TRIM64B: variants seen among roughly 807,000 people sequenced by gnomAD.
The protein encoded by TRIM64B is tripartite motif containing 64B.
For synonymous variants in TRIM64B, 17 were observed against 190.3 expected (o/e 0.09, Z 7.50); for missense variants, 57 against 536.4 (o/e 0.11, Z 8.83).
intron 4 of TRIM64B, among the ~76,000 whole-genome samples, 196 bp downstream of exon 5, chr11:89,873,072 T>C (rs1320625493): frequency 6.6e-6 from 1 of 152,116 alleles, no homozygotes; most frequent in Non-Finnish European, 1.5e-5. Flanking sequence ...GGCAAATTGT[T>C]TTTATGTATG....
upstream of TRIM64B, among the ~76,000 whole-genome samples, chr11:89,877,535 A>T (rs1432601521): frequency 1.4e-5 from 2 of 148,022 alleles, no homozygotes; most frequent in African/African-American, 4.9e-5. Context: ...GTGACTTGGA[A>T]GTTGCAGCTT....
intron 4 of TRIM64B, among the ~76,000 whole-genome samples, chr11:89,872,642 C>T (rs1421772496): frequency 1.3e-5 from 2 of 151,962 alleles, no homozygotes; most frequent in East Asian, 3.9e-4. Flanking sequence ...AAAACTCAGA[C>T]AAAAACCTTT....
At chr11:89,877,636 T>A (rs1950173641), upstream of TRIM64B, among the ~76,000 whole-genome samples, 1 of 149,010 alleles carries the variant, frequency 6.7e-6, no homozygotes, top group East Asian at 2.0e-4. Flanking sequence ...GTTGCTGTTG[T>A]TGAGATGCAG....
upstream of TRIM64B, among the ~76,000 whole-genome samples, chr11:89,877,432 A>T (rs1238011801): frequency 7.1e-6 from 1 of 141,022 alleles, no homozygotes; most frequent in African/African-American, 2.5e-5. Flanking sequence ...TAACAAAAAA[A>T]AAGTGAAGAT....
chr11:89,876,364 C>T (rs1187649695), upstream of TRIM64B, among the ~76,000 whole-genome samples: 1 of 147,304 alleles, frequency 6.8e-6, no homozygotes, highest in South Asian at 2.2e-4. Flanking sequence ...ATGCCTAATA[C>T]AATGTAAATG....
chr11:89,876,437 T>C (rs1485182480), upstream of TRIM64B, among the ~76,000 whole-genome samples: 2 of 149,400 alleles, frequency 1.3e-5, no homozygotes, highest in Non-Finnish European at 3.0e-5. Flanking sequence ...AATATGTACA[T>C]GTTTGGCAGG....
intron 1 of TRIM64B, among the ~76,000 whole-genome samples, 198 bp from the exon 3 acceptor site, chr11:89,875,271 G>C (rs867747106): frequency 0.011 from 1,650 of 151,740 alleles, no homozygotes; most frequent in Non-Finnish European, 0.017. Flanking sequence ...AGAGTTTTAA[G>C]GGACCCTTCA....
At chr11:89,874,144 T>C in exon 3 of TRIM64B, 1 of 1,547,488 alleles carries the variant, frequency 6.5e-7, no homozygotes, top group Non-Finnish European at 8.7e-7. Flanking sequence ...CTCACTTGAC[T>C]GTCTTGTAGT....
upstream of TRIM64B, among the ~76,000 whole-genome samples, chr11:89,877,871 C>G (rs1387425427): frequency 2.7e-5 from 4 of 149,372 alleles, no homozygotes; most frequent in Non-Finnish European, 6.0e-5. Flanking sequence ...ATCTGCCTGC[C>G]TTGGCCTCTC....
At chr11:89,874,134 C>T (rs1950140436) in exon 3 of TRIM64B, 1 of 1,547,934 alleles carries the variant, frequency 6.5e-7, no homozygotes. Context: ...TTGGGTCATT[C>T]TCACTTGACT....
At chr11:89,872,406 AC>A (rs1950120022) in intron 4 of TRIM64B, 94 bp from the exon 6 acceptor site, 1 of 1,534,218 alleles carries the variant, frequency 6.5e-7, no homozygotes, top group Non-Finnish European at 8.7e-7. Flanking sequence ...ATGTTTCCTC[AC>A]AATTCTGCCA....
At chr11:89,877,921 G>A (rs542298584), upstream of TRIM64B, among the ~76,000 whole-genome samples, 189 of 149,146 alleles carry the variant, frequency 1.3e-3, no homozygotes, top group Middle Eastern at 0.011. Flanking sequence ...ATGCCCAGCC[G>A]ATTAAATCTA....
intron 5 of TRIM64B, among the ~76,000 whole-genome samples, 169 bp from the exon 7 acceptor site, chr11:89,871,283 A>C (rs1950105344): frequency 1.3e-5 from 2 of 152,234 alleles, no homozygotes; most frequent in African/African-American, 4.8e-5. Context: ...CCTCTACAGC[A>C]CATACAATTA....
rs1376683770 is a variant in TRIM64B at position 89,874,000 on chromosome 11, C to T, written c.735+49G>A. On this transcript the variant is annotated intron_variant, in intron 3 of 5. Coordinates refer to ENST00000329862, the Ensembl canonical transcript of TRIM64B. ...GTGATATTTGCATGTCCTGGCAGCACTGTCCAGCAAAGGCTTCCTGTCTCT... is the reference window on the plus strand; with the variant it reads ...GTGATATTTGCATGTCCTGGCAGCATTGTCCAGCAAAGGCTTCCTGTCTCT... The T allele has an allele frequency of 5.2e-6, 8 of 1,535,292 alleles. No homozygotes were observed. In the African/African-American group the frequency reaches 5.5e-5, roughly 11 times the overall value.
chr11:89,876,608 G>A (rs1469498628), upstream of TRIM64B, among the ~76,000 whole-genome samples: 3 of 149,380 alleles, frequency 2.0e-5, no homozygotes, highest in Non-Finnish European at 3.0e-5. Context: ...TGTAGTCCCA[G>A]CTATTCGGGA....
At chr11:89,876,221 CA>C (rs1305374128), upstream of TRIM64B, among the ~76,000 whole-genome samples, 12 of 133,952 alleles carry the variant, frequency 9.0e-5, no homozygotes, top group African/African-American at 3.2e-4. Flanking sequence ...CCTCAATAGC[CA>C]TCGAAGATTC....
At chr11:89,877,808 G>C (rs540386498), upstream of TRIM64B, among the ~76,000 whole-genome samples, 1 of 149,540 alleles carries the variant, frequency 6.7e-6, no homozygotes, top group Admixed American at 6.7e-5. Flanking sequence ...TTTTAGTAGG[G>C]ACCAGGTTTC....
chr11:89,877,012 T>G (rs1306395402), upstream of TRIM64B, among the ~76,000 whole-genome samples: 5 of 144,982 alleles, frequency 3.4e-5, no homozygotes, highest in African/African-American at 1.2e-4. Flanking sequence ...AGAAGCACAT[T>G]CTGAATGTCA....
chr11:89,876,703 T>C (rs1950166928), upstream of TRIM64B, among the ~76,000 whole-genome samples: 1 of 141,604 alleles, frequency 7.1e-6, no homozygotes, highest in Non-Finnish European at 1.5e-5. Flanking sequence ...GCATGGGTAA[T>C]GGAGTGAGAC....
Sources: allele counts gnomAD v4.1 joint callset (sites outside exome capture counted in the v4.1 genomes callset), GRCh38; gene constraint gnomAD v4.1.1; transcripts MANE v1.5; gene names NCBI Gene and HGNC (gene_info 2026-07-23, HGNC 2026-07-21).